Variants in ACTR3C observed in about 807,000 individuals in gnomAD.
ACTR3C encodes the protein actin-related protein 3C.
In ACTR3C, 18 loss-of-function variants were observed where a neutral mutation model predicts 26.3. The observed-to-expected ratio is 0.68, with a 90% CI of 0.47 to 1.01. The LOEUF is 1.01. Among genes scored for constraint, ACTR3C ranks in the 50% least tolerant of loss-of-function variants. The probability of loss-of-function intolerance (pLI) is 0.00; values close to 1 mark genes in which losing one functional copy is unlikely to be tolerated. For missense variants in ACTR3C, 184 were observed against 250.7 expected, an observed-to-expected ratio of 0.73 and a Z score of 1.80; for synonymous variants, 55 against 94.5, an observed-to-expected ratio of 0.58 and a Z score of 2.42.
the ACTR3C span, among the ~76,000 whole-genome samples, chr7:150,151,045 A>C: frequency 1.4e-5 from 1 of 71,502 alleles, no homozygotes; most frequent in African/African-American, 9.5e-5. Context: ...TTTATTATAC[A>C]GTAAAACTAT....
the ACTR3C span, among the ~76,000 whole-genome samples, chr7:150,108,223 A>G: frequency 6.7e-6 from 1 of 150,162 alleles, no homozygotes; most frequent in Admixed American, 6.6e-5. Flanking sequence ...CACCACACTT[A>G]CACTGGAGAA....
At chr7:150,172,163 C>T in the ACTR3C span, among the ~76,000 whole-genome samples, 2 of 150,662 alleles carry the variant, frequency 1.3e-5, no homozygotes, top group Admixed American at 1.3e-4. Flanking sequence ...ATTTTAAGGG[C>T]ACCTGACCTT....
chr7:150,250,435 C>A (rs1007030090), intron 6 of ACTR3C, among the ~76,000 whole-genome samples: 4 of 151,764 alleles, frequency 2.6e-5, no homozygotes, highest in Admixed American at 1.3e-4. Flanking sequence ...GACCTCCTGA[C>A]CTCGTGATCC....
the ACTR3C span, among the ~76,000 whole-genome samples, chr7:150,201,119 A>C: frequency 6.6e-6 from 1 of 152,200 alleles, no homozygotes; most frequent in African/African-American, 2.4e-5. Flanking sequence ...CCCTAGTTCC[A>C]TTATCAATTT....
chr7:150,141,366 T>C, the ACTR3C span, among the ~76,000 whole-genome samples: 1 of 152,106 alleles, frequency 6.6e-6, no homozygotes, highest in Non-Finnish European at 1.5e-5. Flanking sequence ...CTACACTTAC[T>C]GAGCAAGGGA....
At chr7:150,043,648 G>A in the ACTR3C span, among the ~76,000 whole-genome samples, 2 of 152,214 alleles carry the variant, frequency 1.3e-5, no homozygotes, top group African/African-American at 4.8e-5. Context: ...CAATATCCAT[G>A]GCTATTCTGT....
At chr7:149,945,209 C>A in the ACTR3C span, among the ~76,000 whole-genome samples, 7 of 151,912 alleles carry the variant, frequency 4.6e-5, no homozygotes, top group African/African-American at 1.7e-4. Context: ...CAACTGGAGA[C>A]CAGCTGCAGT....
chr7:150,155,055 G>A, the ACTR3C span, among the ~76,000 whole-genome samples: 1 of 152,164 alleles, frequency 6.6e-6, no homozygotes, highest in Non-Finnish European at 1.5e-5. Context: ...GAGAGGGTCA[G>A]GGTAAACCAG....
At chr7:150,294,340 CA>C (rs1464614369) in intron 2 of ACTR3C, among the ~76,000 whole-genome samples, 8 of 152,248 alleles carry the variant, frequency 5.3e-5, no homozygotes, top group Non-Finnish European at 2.9e-5. Context: ...CAGCCCAAAG[CA>C]CTGAGGGTGG....
At chr7:150,044,067 A>G in the ACTR3C span, among the ~76,000 whole-genome samples, 1 of 152,228 alleles carries the variant, frequency 6.6e-6, no homozygotes, top group African/African-American at 2.4e-5. Flanking sequence ...TGTTGTCATC[A>G]CATTTGTATT....
the ACTR3C span, chr7:149,891,083 A>C: frequency 1.7e-6 from 1 of 604,912 alleles, no homozygotes; most frequent in African/African-American, 1.9e-5. Flanking sequence ...ATTCATGCAC[A>C]TATCTTTAGA....
chr7:150,074,351 C>T, the ACTR3C span: 1 of 152,038 alleles, frequency 6.6e-6, no homozygotes, highest in Non-Finnish European at 1.5e-5. Context: ...ATAAAAGGTA[C>T]ATGGGGCAGA....
chr7:149,917,023 A>G, the ACTR3C span, among the ~76,000 whole-genome samples: 1 of 152,114 alleles, frequency 6.6e-6, no homozygotes, highest in East Asian at 1.9e-4. Context: ...ATTCCTGTGT[A>G]TCTTTCCGAT....
At chr7:149,977,271 C>T in the ACTR3C span, among the ~76,000 whole-genome samples, 3 of 152,178 alleles carry the variant, frequency 2.0e-5, no homozygotes, top group Non-Finnish European at 4.4e-5. Context: ...TTCAAGGTGG[C>T]GAGTCAACAG....
chr7:150,256,046 C>T (rs756785939), intron 6 of ACTR3C, among the ~76,000 whole-genome samples: 3 of 152,196 alleles, frequency 2.0e-5, no homozygotes, highest in African/African-American at 4.8e-5. Context: ...AATTGGTTAT[C>T]ACTAAGTTGT....
At chr7:150,186,036 G>T in the ACTR3C span, among the ~76,000 whole-genome samples, 28,334 of 151,112 alleles carry the variant, frequency 0.19, 4,475 homozygotes, top group African/African-American at 0.43. Context: ...ACTGAAACTT[G>T]GTGAAACGAA....
chr7:149,993,542 G>A, the ACTR3C span, among the ~76,000 whole-genome samples: 1 of 152,078 alleles, frequency 6.6e-6, no homozygotes, highest in Non-Finnish European at 1.5e-5. Context: ...GTCGCTTCCT[G>A]CAATGAGCAG....
At chr7:149,926,023 G>A in the ACTR3C span, among the ~76,000 whole-genome samples, 468 of 152,066 alleles carry the variant, frequency 3.1e-3, 4 homozygotes, top group African/African-American at 0.011. Flanking sequence ...AGACTGTGCC[G>A]CCGCACTCTA....
At chr7:150,128,810 T>G in the ACTR3C span, among the ~76,000 whole-genome samples, 1 of 152,016 alleles carries the variant, frequency 6.6e-6, no homozygotes, top group African/African-American at 2.4e-5. Context: ...TGTTTTAGAC[T>G]TTGGACAACA....
Sources: allele counts gnomAD v4.1 joint callset (sites outside exome capture counted in the v4.1 genomes callset), GRCh38; gene constraint gnomAD v4.1.1; transcripts MANE v1.5; gene names NCBI Gene and HGNC (gene_info 2026-07-23, HGNC 2026-07-21).